Variants in ARL5A observed in about 807,000 individuals in gnomAD.
The protein encoded by ARL5A is ARF like GTPase 5A.
ARL5A carries 18 observed loss-of-function variants against 25.9 expected under a neutral mutation model. The ratio of observed to expected loss-of-function variants is 0.69; its 90% CI spans 0.48 to 1.03. The LOEUF is 1.03. ARL5A is among the 50% of genes least tolerant of loss of function. The probability of loss-of-function intolerance (pLI) is 0.00; values close to 1 mark genes in which losing one functional copy is unlikely to be tolerated. For missense variants in ARL5A, 170 were observed against 211.9 expected (o/e 0.80, Z 1.23); for synonymous variants, 61 against 67.5 (o/e 0.90, Z 0.47).
At chr2:151,827,951 A>C (rs1246690264) in intron 1 of ARL5A, 180 bp downstream of exon 1, 3 of 617,662 alleles carry the variant, frequency 4.9e-6, no homozygotes, top group African/African-American at 3.9e-5. Context: ...GTCAGGAACC[A>C]TCCCCAAGCT....
intron 1 of ARL5A, among the ~76,000 whole-genome samples, chr2:151,825,810 T>C (rs2099832974): frequency 6.6e-6 from 1 of 150,666 alleles, no homozygotes; most frequent in African/African-American, 2.5e-5. Flanking sequence ...CTAACTTATA[T>C]ATGTCCTATA....
intron 1 of ARL5A, 196 bp downstream of exon 1, chr2:151,827,935 C>T: frequency 1.7e-6 from 1 of 587,554 alleles, no homozygotes; most frequent in African/African-American, 2.0e-5. Flanking sequence ...AGACAAAGGG[C>T]TGCGAGTCAG....
chr2:151,824,882 T>C (rs2099832825), intron 1 of ARL5A, among the ~76,000 whole-genome samples: 1 of 152,206 alleles, frequency 6.6e-6, no homozygotes, highest in African/African-American at 2.4e-5. Flanking sequence ...TTACCTATAG[T>C]GCTTAAAGCA....
rs2099829604 is a variant in ARL5A, at chr2:151,802,799, AG to A, written c.*476del. The A allele has an allele frequency of 6.5e-6, 1 of 153,166 alleles. No homozygotes were observed. Among genetic ancestry groups the A allele is most frequent in the African/African-American group, 2.4e-5 (1 of 41,436 alleles). 9.5% of individuals were successfully genotyped at this position (153,166 alleles called of 1,614,324 possible). A position where few individuals can be genotyped will look rare whatever the true frequency, so the allele number is the denominator to read the frequency against. On this transcript the variant is annotated 3_prime_UTR_variant, in exon 6 of 6. Coordinates refer to ENST00000295087, the MANE Select transcript of ARL5A (RefSeq NM_012097.4). ...AATCAATGCCATTAACTTGAACTTGAGGTATATACACAATACACACACAACC... is the reference window on the plus strand; with the variant it reads ...AATCAATGCCATTAACTTGAACTTGAGTATATACACAATACACACACAACC...
At chr2:151,806,757 A>G (rs1232754760) in intron 5 of ARL5A, 64 bp downstream of exon 5, 1 of 1,483,300 alleles carries the variant, frequency 6.7e-7, no homozygotes, top group African/African-American at 1.4e-5. Context: ...AGGAGTTTAA[A>G]GAAGATATAC....
intron 4 of ARL5A, among the ~76,000 whole-genome samples, chr2:151,809,440 C>T (rs1360171105): frequency 3.3e-5 from 5 of 152,144 alleles, no homozygotes; most frequent in African/African-American, 4.8e-5. Flanking sequence ...GAGTTCTTGA[C>T]TTCTAAGAAG....
Position 151,817,247 on chromosome 2 carries a change from A to G in ARL5A, c.47-2048T>C, listed in dbSNP as rs575674044. On this transcript the variant is annotated intron_variant, in intron 1 of 5. Coordinates refer to ENST00000295087, the MANE Select transcript of ARL5A (RefSeq NM_012097.4). ...GAATCACTTTCTCCTGCTTTCCCAC[A>G]CTACCTCTACTCTAGCACTTATCCT... is the stretch of plus-strand genomic sequence containing the variant. Among the ~76,000 whole-genome samples the G allele has an allele frequency of 2.1e-3, 319 of 152,160 alleles. 3 individuals are homozygous for G. The highest frequency in any genetic ancestry group is 3.7e-3 in the Non-Finnish European group (253 of 68,028).
At chr2:151,825,556 T>C (rs2099832939) in intron 1 of ARL5A, among the ~76,000 whole-genome samples, 1 of 152,208 alleles carries the variant, frequency 6.6e-6, no homozygotes, top group Non-Finnish European at 1.5e-5. Context: ...CAACTAAATG[T>C]GACCTCTGGT....
At chr2:151,812,472 T>A (rs1413108944) in intron 3 of ARL5A, 32 bp from the exon 4 acceptor site, 1 of 1,409,852 alleles carries the variant, frequency 7.1e-7, no homozygotes, top group Admixed American at 2.2e-5. Context: ...TATTAGTGAT[T>A]ATACAATTTG....
intron 4 of ARL5A, among the ~76,000 whole-genome samples, chr2:151,810,224 T>G (rs2099830657): frequency 6.6e-6 from 1 of 152,268 alleles, no homozygotes; most frequent in South Asian, 2.1e-4. Flanking sequence ...TCATTTATGA[T>G]AAAACTTTGA....
chr2:151,813,684 G>A (rs1448888179), intron 3 of ARL5A, among the ~76,000 whole-genome samples: 1 of 152,144 alleles, frequency 6.6e-6, no homozygotes, highest in African/African-American at 2.4e-5. Context: ...TCAAAGGTCT[G>A]AAATTTCCTT....
In ARL5A at chr2:151,800,460, C is replaced by T. The variant is rs1204102365; in HGVS notation, c.*2816G>A. On this transcript the variant is annotated 3_prime_UTR_variant, in exon 6 of 6. Coordinates refer to ENST00000295087, the MANE Select transcript of ARL5A (RefSeq NM_012097.4). ...CTTCCCTCTATTTCATCCCATGCTTCTAAAGTCACTTTCACTGCCTATATT... is the reference window on the plus strand; with the variant it reads ...CTTCCCTCTATTTCATCCCATGCTTTTAAAGTCACTTTCACTGCCTATATT... The T allele has an allele frequency of 1.3e-5, 2 of 152,190 alleles. No individual in the cohort carries two copies. The highest frequency in any genetic ancestry group is 2.9e-5 in the Non-Finnish European group (2 of 68,032). The allele number at this position is 152,190 out of a possible 1,614,324, so 9.4% of individuals were successfully genotyped here.
rs181322908 is a variant in ARL5A, at chr2:151,816,434, C to T, written c.47-1235G>A. Among the ~76,000 whole-genome samples, 447 of 152,150 alleles carry T rather than the reference C, an allele frequency of 2.9e-3. 2 individuals are homozygous for T. The highest frequency in any genetic ancestry group is 5.2e-3 in the Non-Finnish European group (353 of 68,008). On this transcript the variant is annotated intron_variant, in intron 1 of 5. Coordinates refer to ENST00000295087, the MANE Select transcript of ARL5A (RefSeq NM_012097.4). ...ACTTCCTAGCTGAGCTTAGTCGACG[C>T]GTAAGAAACATGAAAAATAATAAAT...
chr2:151,815,101 C>A (rs2099831329), intron 2 of ARL5A, 38 bp downstream of exon 2: 4 of 1,489,186 alleles, frequency 2.7e-6, no homozygotes, highest in Non-Finnish European at 3.7e-6. Context: ...AAAAAAGTAA[C>A]TAGAAATAAA....
chr2:151,812,429 AACT>A lies in ARL5A; in HGVS notation c.264_266del (p.Val91del). 6.4e-7 allele frequency: 1 copy of A among 1,571,584 alleles called. No individual in the cohort carries two copies. Among genetic ancestry groups the A allele is most frequent in the Non-Finnish European group, 8.6e-7 (1 of 1,162,568 alleles). ...TCTCTCTGTCTGTACTGTCCACAAC[AACT>A]ATTACAAACTAAAATAATTACAAAA... On this transcript the variant is annotated inframe_deletion, in exon 4 of 6. Coordinates refer to ENST00000295087, the MANE Select transcript of ARL5A (RefSeq NM_012097.4).
intron 5 of ARL5A, among the ~76,000 whole-genome samples, chr2:151,803,998 A>G (rs1167860090): frequency 4.6e-5 from 7 of 152,188 alleles, no homozygotes; most frequent in Non-Finnish European, 7.4e-5. Flanking sequence ...GTATGATGAA[A>G]TATTTAAAAT....
chr2:151,810,386 A>T (rs989442029), intron 4 of ARL5A: 2 of 219,284 alleles, frequency 9.1e-6, no homozygotes, highest in Non-Finnish European at 1.9e-5. Context: ...ACACATTCTC[A>T]CTCTTTGATC....
intron 5 of ARL5A, among the ~76,000 whole-genome samples, chr2:151,805,383 C>G (rs2151291614): frequency 6.6e-6 from 1 of 152,274 alleles, no homozygotes; most frequent in African/African-American, 2.4e-5. Context: ...TCAGCTAATT[C>G]ATCTATACCC....
chr2:151,805,189 T>C (rs894545280), intron 5 of ARL5A, among the ~76,000 whole-genome samples: 3 of 151,092 alleles, frequency 2.0e-5, no homozygotes, highest in African/African-American at 7.3e-5. Context: ...ACATGGATAA[T>C]TGGTATTATC....
Sources: gnomAD v4.1 joint callset for allele counts (sites outside exome capture counted in the v4.1 genomes callset) on GRCh38, gnomAD v4.1.1 for gene constraint, MANE v1.5 for transcripts, NCBI Gene and HGNC (gene_info 2026-07-23, HGNC 2026-07-21) for gene names.